The following HDAC9 variants were observed in gnomAD, a reference collection of about 807,000 sequenced individuals.
HDAC9 encodes the protein histone deacetylase 9.
Under a neutral mutation model 139.4 loss-of-function variants are expected in HDAC9, and 41 were observed. The ratio of observed to expected loss-of-function variants is 0.29; its 90% CI spans 0.23 to 0.38. The LOEUF (loss-of-function observed/expected upper bound fraction) is 0.38, where lower values mean the gene tolerates loss of function less well. HDAC9 is among the 10% of genes least tolerant of loss of function. The pLI, the probability that HDAC9 is intolerant of heterozygous loss-of-function variation, is 1.00. For missense variants in HDAC9, 1,147 were observed against 1,297.0 expected, an observed-to-expected ratio of 0.88 and a Z score of 1.78; for synonymous variants, 517 against 476.2, an observed-to-expected ratio of 1.09 and a Z score of -1.12.
chr7:18,631,424 T>G (rs1325824387), intron 7 of HDAC9, among the ~76,000 whole-genome samples: 1 of 152,054 alleles, frequency 6.6e-6, no homozygotes, highest in East Asian at 1.9e-4. Flanking sequence ...TGTCTTCACC[T>G]GTACTCCTTC....
At chr7:18,530,235 C>T (rs1159105416) in intron 2 of HDAC9, among the ~76,000 whole-genome samples, 1 of 152,084 alleles carries the variant, frequency 6.6e-6, no homozygotes, top group Non-Finnish European at 1.5e-5. Context: ...TCCTGTTCTG[C>T]CTGGGCAACA....
intron 22 of HDAC9, among the ~76,000 whole-genome samples, chr7:18,884,072 C>T (rs928800039): frequency 2.0e-5 from 3 of 152,028 alleles, no homozygotes; most frequent in African/African-American, 7.2e-5. Context: ...GGAGAGATAT[C>T]CCCTGTTCCT....
intron 1 of HDAC9, among the ~76,000 whole-genome samples, chr7:18,142,008 A>G (rs1421938985): frequency 6.6e-6 from 1 of 152,170 alleles, no homozygotes; most frequent in East Asian, 1.9e-4. Flanking sequence ...TTCTTAATTT[A>G]TCGAATTGAC....
At chr7:18,546,841 G>T (rs1360105469) in intron 2 of HDAC9, among the ~76,000 whole-genome samples, 1 of 152,124 alleles carries the variant, frequency 6.6e-6, no homozygotes, top group Non-Finnish European at 1.5e-5. Flanking sequence ...TTGCTTATTT[G>T]CAATGGTCTG....
rs34326798 is a variant in HDAC9, at chr7:18,554,327, C to CTTT, written c.23-30929_23-30927dup. Among the ~76,000 whole-genome samples, 21 of 58,326 alleles carry CTTT rather than the reference C, an allele frequency of 3.6e-4. 1 individual carries two copies. Among genetic ancestry groups the CTTT allele is most frequent in the African/African-American group, 1.3e-3 (18 of 13,676 alleles). 38.3% of individuals were successfully genotyped at this position (58,326 alleles called of 152,430 possible). A position where few individuals can be genotyped will look rare whatever the true frequency, so the allele number is the denominator to read the frequency against. On this transcript the variant is annotated intron_variant, in intron 2 of 25. Transcript: ENST00000686413. ...GTACACCAACTGGTATTACAGATCA[C>CTTT]TTTTTTTTTTTTTTTTTTTTTTTTT...
At chr7:18,710,778 A>G (rs945190760) in intron 12 of HDAC9, among the ~76,000 whole-genome samples, 2 of 152,238 alleles carry the variant, frequency 1.3e-5, no homozygotes, top group African/African-American at 4.8e-5. Context: ...TGAAGTTTAA[A>G]TAACAGAAAA....
intron 22 of HDAC9, among the ~76,000 whole-genome samples, chr7:18,914,845 T>G (rs1585299750): frequency 6.6e-6 from 1 of 152,186 alleles, no homozygotes; most frequent in East Asian, 1.9e-4. Context: ...GGAATAGAAG[T>G]TACACTATAG....
chr7:18,705,758 C>T (rs1404945023), intron 12 of HDAC9, among the ~76,000 whole-genome samples: 14 of 150,542 alleles, frequency 9.3e-5, no homozygotes, highest in Admixed American at 7.3e-4. Context: ...GAGGATGAGG[C>T]AGGAGAATCG....
chr7:18,114,524 C>T (rs540872890), intron 1 of HDAC9, among the ~76,000 whole-genome samples: 55 of 152,282 alleles, frequency 3.6e-4, no homozygotes, highest in African/African-American at 1.3e-3. Flanking sequence ...TAGTCCTTAC[C>T]TGCAGGCCTG....
chr7:18,148,586 A>G (rs2128116924), intron 1 of HDAC9, among the ~76,000 whole-genome samples: 1 of 152,266 alleles, frequency 6.6e-6, no homozygotes, highest in African/African-American at 2.4e-5. Context: ...CCTCCTGAGT[A>G]GCTGGGATTA....
At chr7:18,578,076 A>C in intron 2 of HDAC9, 2 of 511,454 alleles carry the variant, frequency 3.9e-6, no homozygotes, top group Non-Finnish European at 7.8e-6. Flanking sequence ...CTAGAATCCC[A>C]AAGATCCCTT....
intron 12 of HDAC9, among the ~76,000 whole-genome samples, chr7:18,681,864 C>G (rs1305865134): frequency 2.0e-5 from 3 of 152,016 alleles, no homozygotes; most frequent in African/African-American, 4.8e-5. Context: ...AGGACCTATA[C>G]TGAATAAATG....
chr7:18,207,635 C>T (rs1791630246), intron 2 of HDAC9, among the ~76,000 whole-genome samples: 1 of 148,146 alleles, frequency 6.8e-6, no homozygotes, highest in Non-Finnish European at 1.5e-5. Flanking sequence ...TGTCTTTTGC[C>T]ACACACGTGT....
chr7:18,915,769 A>T (rs1205043173), intron 22 of HDAC9, among the ~76,000 whole-genome samples: 1 of 151,732 alleles, frequency 6.6e-6, no homozygotes, highest in Admixed American at 6.6e-5. Context: ...TTTAACTCCA[A>T]TTTTTTCCCT....
intron 12 of HDAC9, among the ~76,000 whole-genome samples, chr7:18,719,764 A>G (rs1417386423): frequency 1.3e-5 from 2 of 152,174 alleles, no homozygotes; most frequent in African/African-American, 4.8e-5. Context: ...TCCATGATCC[A>G]TTTGGAGTTA....
At chr7:18,182,758 A>G (rs1789549981) in intron 2 of HDAC9, among the ~76,000 whole-genome samples, 1 of 152,160 alleles carries the variant, frequency 6.6e-6, no homozygotes, top group Admixed American at 6.5e-5. Flanking sequence ...TGTATTGTTA[A>G]CCACAGTTCT....
intron 1 of HDAC9, among the ~76,000 whole-genome samples, chr7:18,380,498 G>A (rs1003733766): frequency 3.9e-5 from 6 of 152,158 alleles, no homozygotes; most frequent in Admixed American, 3.9e-4. Context: ...AATTTTTCAA[G>A]GGTATTTGGT....
chr7:18,759,300 G>T (rs1319164835), intron 14 of HDAC9, among the ~76,000 whole-genome samples: 1 of 152,144 alleles, frequency 6.6e-6, no homozygotes, highest in Non-Finnish European at 1.5e-5. Flanking sequence ...TGAGTGGCAG[G>T]TGAGTGAGTG....
Position 18,608,101 on chromosome 7 carries a change from A to T in HDAC9, c.664+14072A>T, listed in dbSNP as rs547386296. Among the ~76,000 whole-genome samples the T allele has an allele frequency of 3.9e-5, 6 of 152,298 alleles. No homozygotes were observed. The South Asian group carries it at 1.2e-3, about 32-fold the overall frequency. On this transcript the variant is annotated intron_variant, in intron 6 of 25. Transcript: ENST00000686413. Reference sequence around the variant, plus strand: ...AGTATTCACAACTATAGAACTGAGAACACTGAGGAAATATTCCATGCAAAT... The same window carrying T: ...AGTATTCACAACTATAGAACTGAGATCACTGAGGAAATATTCCATGCAAAT...
Sources: gnomAD v4.1 joint callset for allele counts (sites outside exome capture counted in the v4.1 genomes callset) on GRCh38, gnomAD v4.1.1 for gene constraint, MANE v1.5 for transcripts, NCBI Gene and HGNC (gene_info 2026-07-23, HGNC 2026-07-21) for gene names.